Variants in SYTL2 observed in about 807,000 individuals in gnomAD.
SYTL2 encodes the protein synaptotagmin-like protein 2.
A neutral mutation model predicts 198.7 loss-of-function variants in SYTL2; 165 were observed. That is an observed-to-expected ratio of 0.83 (90% CI 0.73 to 0.94). The LOEUF is 0.94. SYTL2 is among the 40% of genes least tolerant of loss of function. SYTL2 has a pLI of 0.00. For missense variants in SYTL2, 2,835 were observed against 2,582.8 expected (o/e 1.10, Z -2.12); for synonymous variants, 966 against 917.7 (o/e 1.05, Z -0.95).
At position 85,698,075 on chromosome 11, in the gene SYTL2, T is replaced by G; in HGVS notation, c.6272A>C (p.Lys2091Thr). Residue 2091 changes from lysine to threonine, a missense_variant, in exon 18 of 20, where the codon AAA (lysine) becomes ACA (threonine). Around this residue, in one of 3 missense-constraint regions of SYTL2, gnomAD observed 185 missense variants for 182.1 expected, o/e 1.02. Transcript: ENST00000359152. ...LQYVPEPVPG[K>T]KLPTTGEVHI... ...CACTTCTCCAGTTGTAGGAAGCTTT[T>G]TACCTACAATAGAAAAAGAAGAGAA... is the stretch of plus-strand genomic sequence containing the variant. 1 of 1,609,782 alleles carries G rather than the reference T, an allele frequency of 6.2e-7. No homozygotes were observed. The highest frequency in any genetic ancestry group is 8.5e-7 in the Non-Finnish European group (1 of 1,176,484).
At chr11:85,707,359 T>C in intron 15 of SYTL2, 70 bp downstream of exon 15, 2 of 1,003,672 alleles carry the variant, frequency 2.0e-6, no homozygotes, top group East Asian at 2.4e-5. Context: ...CCTGTAGAGC[T>C]ACTACCCAAA....
At chr11:85,845,085 C>G in the SYTL2 span, among the ~76,000 whole-genome samples, 1 of 152,200 alleles carries the variant, frequency 6.6e-6, no homozygotes, top group Non-Finnish European at 1.5e-5. Flanking sequence ...TGTCAAGTTC[C>G]TGCTCATTGT....
At chr11:85,711,086 A>G (rs2086191357) in intron 13 of SYTL2, 27 bp downstream of exon 13, 1 of 1,612,006 alleles carries the variant, frequency 6.2e-7, no homozygotes, top group Admixed American at 1.7e-5. Context: ...GCGGAGAGAT[A>G]TTAATATGGA....
chr11:85,838,510 C>T, the SYTL2 span, among the ~76,000 whole-genome samples: 19 of 152,286 alleles, frequency 1.2e-4, no homozygotes, highest in Non-Finnish European at 2.1e-4. Context: ...CCAGCATCTG[C>T]TTGGCCTCTA....
At chr11:85,770,254 TCTC>T (rs962914514) in intron 1 of SYTL2, among the ~76,000 whole-genome samples, 1 of 152,130 alleles carries the variant, frequency 6.6e-6, no homozygotes, top group Non-Finnish European at 1.5e-5. Flanking sequence ...GATGCTTTCC[TCTC>T]CTCATCCTAA....
intron 1 of SYTL2, among the ~76,000 whole-genome samples, chr11:85,761,255 G>A (rs2092088008): frequency 6.6e-6 from 1 of 152,222 alleles, no homozygotes; most frequent in South Asian, 2.1e-4. Context: ...AGGGAAGGGA[G>A]GAGAATAATA....
the SYTL2 span, among the ~76,000 whole-genome samples, chr11:85,849,961 G>A: frequency 0.045 from 6,337 of 140,822 alleles, 174 homozygotes; most frequent in Middle Eastern, 0.16. Flanking sequence ...CTTTTATTTC[G>A]TTGAGCAGTG....
chr11:85,807,352 T>C (rs1204148439), intron 1 of SYTL2, among the ~76,000 whole-genome samples: 1 of 152,238 alleles, frequency 6.6e-6, no homozygotes, highest in African/African-American at 2.4e-5. Flanking sequence ...GATTCCAGGA[T>C]TTTATAAAGA....
the SYTL2 span, among the ~76,000 whole-genome samples, chr11:85,846,402 A>G: frequency 6.6e-6 from 1 of 151,918 alleles, no homozygotes; most frequent in Admixed American, 6.6e-5. Context: ...AGAATATGAA[A>G]CCTTTATTTA....
rs2088976221 is a variant in SYTL2, at chr11:85,725,290, T to C, written c.4068A>G (p.Val1356=). Reference sequence around the variant, plus strand: ...GTCTGGGTGGAAGAATGACTTTCTCTACAGTCTCCGAAATTTCCGTTTGAG... The same window carrying C: ...GTCTGGGTGGAAGAATGACTTTCTCCACAGTCTCCGAAATTTCCGTTTGAG... ...HPSQTEISET[V]EKVILPPRPV... Residue 1356 remains valine (V), a synonymous_variant, in exon 8 of 20, where the codon GTA becomes GTG. Coordinates refer to ENST00000359152, the MANE Select transcript of SYTL2 (RefSeq NM_206927.4). 1 of 1,614,146 alleles carries C rather than the reference T, an allele frequency of 6.2e-7. No individual in the cohort carries two copies. Among genetic ancestry groups the C allele is most frequent in the Non-Finnish European group, 8.5e-7 (1 of 1,180,004 alleles).
In SYTL2 at chr11:85,720,910, G is replaced by T. The variant is rs369971177; in HGVS notation, c.5376C>A (p.Ala1792=). Residue 1792 remains alanine (A), a synonymous_variant, in exon 9 of 20, where the codon GCC becomes GCA. Transcript: ENST00000359152. ...SPVLKTLERS[A]ARKMPSKSLE... ...GACTTTTGGAAGGCATTTTCCTAGCGGCACTCCTTTCCAAAGTTTTCAAAA... is the reference window on the plus strand; with the variant it reads ...GACTTTTGGAAGGCATTTTCCTAGCTGCACTCCTTTCCAAAGTTTTCAAAA... 2 of 1,613,548 alleles carry T rather than the reference G, an allele frequency of 1.2e-6. No homozygotes were observed. The highest frequency in any genetic ancestry group is 2.2e-5 in the South Asian group (2 of 91,062).
chr11:85,770,915 ATG>A (rs2092341971), intron 1 of SYTL2, among the ~76,000 whole-genome samples: 1 of 152,200 alleles, frequency 6.6e-6, no homozygotes. Context: ...CCCGAATATA[ATG>A]TGGCCCTATT....
chr11:85,823,393 T>C, the SYTL2 span, among the ~76,000 whole-genome samples: 10 of 152,236 alleles, frequency 6.6e-5, no homozygotes, highest in African/African-American at 2.4e-4. Flanking sequence ...GTCTAGCAGC[T>C]GCCAGCTTGC....
the SYTL2 span, chr11:85,853,050 G>T: frequency 1.7e-5 from 5 of 290,204 alleles, no homozygotes; most frequent in Admixed American, 2.6e-4. Context: ...AGTGAGGAGC[G>T]CCTCCGCCCG....
At chr11:85,697,649 G>C (rs1165912412) in intron 18 of SYTL2, among the ~76,000 whole-genome samples, 2 of 152,174 alleles carry the variant, frequency 1.3e-5, no homozygotes, top group Non-Finnish European at 2.9e-5. Context: ...CTCCATAAAG[G>C]AGTCAAGGGG....
intron 1 of SYTL2, among the ~76,000 whole-genome samples, chr11:85,769,353 G>A (rs1055093620): frequency 2.0e-4 from 31 of 152,192 alleles, no homozygotes; most frequent in African/African-American, 7.5e-4. Flanking sequence ...GGAGATATGA[G>A]GCTGAAAATG....
At chr11:85,792,552 C>T (rs2092744952) in intron 1 of SYTL2, among the ~76,000 whole-genome samples, 1 of 151,792 alleles carries the variant, frequency 6.6e-6, no homozygotes, top group East Asian at 1.9e-4. Flanking sequence ...AATAATTCCA[C>T]AAAAGAAATC....
At chr11:85,710,706 T>C (rs576154350) in intron 13 of SYTL2, among the ~76,000 whole-genome samples, 1 of 152,316 alleles carries the variant, frequency 6.6e-6, no homozygotes, top group South Asian at 2.1e-4. Context: ...TTCTTTCATG[T>C]CAACCAGTAT....
At chr11:85,836,876 G>C in the SYTL2 span, among the ~76,000 whole-genome samples, 1 of 152,088 alleles carries the variant, frequency 6.6e-6, no homozygotes, top group Non-Finnish European at 1.5e-5. Flanking sequence ...GATAGACAAG[G>C]TAATTTAGAA....
Sources: gnomAD v4.1 joint callset for allele counts (sites outside exome capture counted in the v4.1 genomes callset) on GRCh38, gnomAD v4.1.1 for gene constraint, gnomAD v4.1.1 regional missense constraint, MANE v1.5 for transcripts, NCBI Gene and HGNC (gene_info 2026-07-23, HGNC 2026-07-21) for gene names.